The following PARD6B variants were observed in gnomAD, a reference collection of about 807,000 sequenced individuals.
The protein encoded by PARD6B is partitioning defective 6 homolog beta.
Under a neutral mutation model 10.5 loss-of-function variants are expected in PARD6B, and 4 were observed. The ratio of observed to expected loss-of-function variants is 0.38; its 90% CI spans 0.19 to 0.87. The LOEUF (loss-of-function observed/expected upper bound fraction) is 0.87. Ranked by LOEUF, PARD6B falls within the 40% of genes least tolerant of loss-of-function variation. The pLI, the probability that PARD6B is intolerant of heterozygous loss-of-function variation, is 0.41. For missense variants in PARD6B, 396 were observed against 470.6 expected (o/e 0.84, Z 1.47); for synonymous variants, 169 against 170.4 (o/e 0.99, Z 0.07).
At position 50,750,953 on chromosome 20, in the gene PARD6B, GATTTTTTTTTTTTTT is replaced by G. The variant is rs2087603098; in HGVS notation, c.*466_*480del. The G allele has an allele frequency of 9.5e-6, 2 of 211,130 alleles. No homozygotes were observed. Among genetic ancestry groups the G allele is most frequent in the Non-Finnish European group, 1.2e-5 (2 of 172,268 alleles). 13.1% of individuals were successfully genotyped at this position (211,130 alleles called of 1,614,324 possible). A position where few individuals can be genotyped will look rare whatever the true frequency, so the allele number is the denominator to read the frequency against. On this transcript the variant is annotated 3_prime_UTR_variant, in exon 3 of 3. Transcript: ENST00000371610. ...TCTCATGTTCCCAATATTTTATTTT[GATTTTTTTTTTTTTT>G]TTTTTTTTTTTTTTTTTTAGTGACT...
At chr20:50,732,688 G>C (rs1022683823) in intron 1 of PARD6B, among the ~76,000 whole-genome samples, 1 of 152,174 alleles carries the variant, frequency 6.6e-6, no homozygotes, top group African/African-American at 2.4e-5. Flanking sequence ...AGAGTTAAAA[G>C]GAGCTTAGAT....
intron 2 of PARD6B, 60 bp from the exon 3 acceptor site, chr20:50,749,599 T>G: frequency 7.3e-7 from 1 of 1,374,550 alleles, no homozygotes; most frequent in East Asian, 2.5e-5. Flanking sequence ...CAGATTCAGC[T>G]GCAAGTGAAT....
chr20:50,739,751 A>G (rs2087520482), intron 2 of PARD6B, among the ~76,000 whole-genome samples: 1 of 151,860 alleles, frequency 6.6e-6, no homozygotes, highest in Non-Finnish European at 1.5e-5. Context: ...TGAGAGTATG[A>G]CCTTAGGAAG....
intron 2 of PARD6B, among the ~76,000 whole-genome samples, chr20:50,742,211 T>A (rs2087534648): frequency 6.6e-6 from 1 of 152,050 alleles, no homozygotes; most frequent in South Asian, 2.1e-4. Context: ...GCCCAGCTAA[T>A]TTTTGTATTT....
chr20:50,739,868 AGGGTGGGGGG>A, intron 2 of PARD6B, among the ~76,000 whole-genome samples: 1 of 116,524 alleles, frequency 8.6e-6, no homozygotes, highest in Non-Finnish European at 1.7e-5. Flanking sequence ...GTAGAGGGGA[AGGGTGGGGGG>A]AGGGGAGAAG....
At position 50,753,075 on chromosome 20, in the gene PARD6B, CTTTTT is replaced by C. The variant is rs781547758; in HGVS notation, c.*2594_*2598del. The C allele has an allele frequency of 6.7e-6, 5 of 751,398 alleles. No homozygotes were observed. The highest frequency in any genetic ancestry group is 7.9e-6 in the Non-Finnish European group (5 of 630,020). 46.5% of individuals were successfully genotyped at this position (751,398 alleles called of 1,614,324 possible). ...AAATATTTTTACACACTACCTCTCT[CTTTTT>C]TTTTTTAAAGTTTTAACATCAGAAC... On this transcript the variant is annotated 3_prime_UTR_variant, in exon 3 of 3. Transcript: ENST00000371610.
At position 50,731,621 on chromosome 20, in the gene PARD6B, G is replaced by A. The variant is rs1416467662; in HGVS notation, c.-166G>A. 1.0e-5 allele frequency: 5 copies of A among 491,964 alleles called. No individual in the cohort carries two copies. The highest frequency in any genetic ancestry group is 1.7e-5 in the Non-Finnish European group (5 of 287,576). 30.5% of individuals were successfully genotyped at this position (491,964 alleles called of 1,614,324 possible). A position where few individuals can be genotyped will look rare whatever the true frequency, so the allele number is the denominator to read the frequency against. ...CCGCCGTGTGAGCAGCTGGTGGAGT[G>A]GAGCTCAGCGCGGACGCCGGAGCTG... On this transcript the variant is annotated 5_prime_UTR_variant, in exon 1 of 3. Coordinates refer to ENST00000371610, the MANE Select transcript of PARD6B (RefSeq NM_032521.3).
At chr20:50,740,042 A>G (rs2087523071) in intron 2 of PARD6B, among the ~76,000 whole-genome samples, 1 of 124,238 alleles carries the variant, frequency 8.0e-6, no homozygotes, top group Non-Finnish European at 1.8e-5. Flanking sequence ...ATTGATTTGG[A>G]AAAGAAAATT....
chr20:50,741,147 G>C (rs1456761391), intron 2 of PARD6B, among the ~76,000 whole-genome samples: 2 of 151,990 alleles, frequency 1.3e-5, no homozygotes, highest in Non-Finnish European at 2.9e-5. Flanking sequence ...TTTTAGTAGA[G>C]ATGGGGTGTC....
At position 50,752,160 on chromosome 20, in the gene PARD6B, C is replaced by T; in HGVS notation, c.*1672C>T. ...GGAAATATGGAAGTCTCTCCTTTAA[C>T]CTATTCTTGTTCCCATTCCCAGTCT... On this transcript the variant is annotated 3_prime_UTR_variant, in exon 3 of 3. Transcript: ENST00000371610. The T allele has an allele frequency of 2.0e-6, 2 of 985,612 alleles. No individual in the cohort carries two copies. The highest frequency in any genetic ancestry group is 4.7e-5 in the South Asian group (1 of 21,276). 61.1% of individuals were successfully genotyped at this position (985,612 alleles called of 1,614,324 possible).
intron 2 of PARD6B, among the ~76,000 whole-genome samples, chr20:50,740,589 A>G (rs2087525408): frequency 6.6e-6 from 1 of 152,080 alleles, no homozygotes; most frequent in South Asian, 2.1e-4. Flanking sequence ...GAGACCTTTG[A>G]TGGTTTTTAT....
Position 50,753,296 on chromosome 20 carries a change from ATAAT to A in PARD6B, c.*2810_*2813del. On this transcript the variant is annotated 3_prime_UTR_variant, in exon 3 of 3. Transcript: ENST00000371610. The stretch of plus-strand genomic sequence containing the variant: ...CTCTGTTTCTTAAATTATTGGTGAA[ATAAT>A]TGATTACTAGATATATTGTAAAACC... 7.1e-6 allele frequency: 7 copies of A among 984,056 alleles called. No individual in the cohort carries two copies. Among genetic ancestry groups the A allele is most frequent in the South Asian group, 4.7e-5 (1 of 21,254 alleles). The allele number at this position is 984,056 out of a possible 1,614,324, so 61.0% of individuals were successfully genotyped here.
At chr20:50,736,829 T>C (rs2087502169) in intron 1 of PARD6B, among the ~76,000 whole-genome samples, 1 of 151,296 alleles carries the variant, frequency 6.6e-6, no homozygotes, top group South Asian at 2.1e-4. Flanking sequence ...GCCTCCTGAG[T>C]AGTTGGGACT....
chr20:50,743,732 CA>C (rs1293700248), intron 2 of PARD6B, among the ~76,000 whole-genome samples: 1 of 151,608 alleles, frequency 6.6e-6, no homozygotes, highest in Non-Finnish European at 1.5e-5. Flanking sequence ...ACTAAAAATA[CA>C]AAAAAATTAG....
chr20:50,743,166 G>T (rs1265332210), intron 2 of PARD6B, among the ~76,000 whole-genome samples: 1 of 152,194 alleles, frequency 6.6e-6, no homozygotes, highest in Admixed American at 6.5e-5. Flanking sequence ...CCAGGGAAAT[G>T]TGTATTTTTA....
chr20:50,747,830 T>C lies in PARD6B; in HGVS notation c.290-1829T>C, dbSNP rs575643283. Among the ~76,000 whole-genome samples the C allele has an allele frequency of 3.3e-5, 5 of 152,272 alleles. No homozygotes were observed. In the South Asian group the frequency reaches 1.0e-3, roughly 32 times the overall value. On this transcript the variant is annotated intron_variant, in intron 2 of 2. Coordinates refer to ENST00000371610, the MANE Select transcript of PARD6B (RefSeq NM_032521.3). ...GCAAGATTTTGCCTAAAAACAAGAC[T>C]TTCTGGCATGAAGAAAATCTGCGAG...
Position 50,738,042 on chromosome 20 carries a change from G to T in PARD6B, c.252G>T (p.Thr84=). 6.2e-7 allele frequency: 1 copy of T among 1,610,662 alleles called. No homozygotes were observed. The highest frequency in any genetic ancestry group is 2.2e-5 in the East Asian group (1 of 44,728). ...NDDNYHKAVS[T]ANPLLRIFIQ... ...ATAATTATCACAAAGCTGTTTCAAC[G>T]GCCAATCCACTGCTTAGGATATTTA... is the stretch of plus-strand genomic sequence containing the variant. The change falls in exon 2 of 3, where the codon ACG becomes ACT. Residue 84 remains threonine, a synonymous_variant. Transcript: ENST00000371610.
chr20:50,752,626 TATTA>T lies in PARD6B; in HGVS notation c.*2144_*2147del, dbSNP rs1177214870. The T allele has an allele frequency of 1.6e-5, 16 of 980,896 alleles. No individual in the cohort carries two copies. The Admixed American group carries it at 4.3e-4, about 26-fold the overall frequency. 60.8% of individuals were successfully genotyped at this position (980,896 alleles called of 1,614,324 possible). ...TCCCTATGGCTTATGGAGAGTTATT[TATTA>T]ATTAACTTTATGGTAGGGCTAGTAT... On this transcript the variant is annotated 3_prime_UTR_variant, in exon 3 of 3. Transcript: ENST00000371610.
intron 1 of PARD6B, among the ~76,000 whole-genome samples, chr20:50,732,250 A>G (rs1600812949): frequency 6.6e-6 from 1 of 152,286 alleles, no homozygotes; most frequent in East Asian, 1.9e-4. Context: ...CGTTGTTCCC[A>G]CTTTCTGTGG....
Sources: allele counts gnomAD v4.1 joint callset (sites outside exome capture counted in the v4.1 genomes callset), GRCh38; gene constraint gnomAD v4.1.1; transcripts MANE v1.5; gene names NCBI Gene and HGNC (gene_info 2026-07-23, HGNC 2026-07-21).